The following ANKRD62 variants were observed in gnomAD, a reference collection of about 807,000 sequenced individuals.
ANKRD62 encodes the protein ankyrin repeat domain 62.
ANKRD62 carries 61 observed loss-of-function variants against 98.8 expected under a neutral mutation model. The observed-to-expected ratio is 0.62, with a 90% CI of 0.50 to 0.76. ANKRD62 has a LOEUF of 0.76. Ranked by LOEUF, ANKRD62 falls within the 30% of genes least tolerant of loss-of-function variation. The probability of loss-of-function intolerance (pLI) is 0.00; values close to 1 mark genes in which losing one functional copy is unlikely to be tolerated. For synonymous variants in ANKRD62, 341 were observed against 367.9 expected (o/e 0.93, Z 0.84); for missense variants, 933 against 1,082.9 (o/e 0.86, Z 1.94).
Position 12,107,428 on chromosome 18 carries a change from A to C in ANKRD62, c.1025A>C (p.Asn342Thr), listed in dbSNP as rs1909438740. 2.0e-6 allele frequency: 3 copies of C among 1,513,306 alleles called. No individual in the cohort carries two copies. The South Asian group carries it at 3.8e-5, about 19-fold the overall frequency. The allele number at this position is 1,513,306 out of a possible 1,614,324, so 93.7% of individuals were successfully genotyped here. Residue 342 changes from asparagine (N) to threonine (T), a missense_variant, in exon 8 of 14, where the codon AAT (asparagine) becomes ACT (threonine). Coordinates refer to ENST00000587848, the MANE Select transcript of ANKRD62 (RefSeq NM_001277333.2). Reference sequence around the variant, plus strand: ...AAAATAAAGAACAGAAAACCTGATAATCATCAATCTCCTGGGAAGGAGAAT... The same window carrying C: ...AAAATAAAGAACAGAAAACCTGATACTCATCAATCTCCTGGGAAGGAGAAT... ...IHKIKNRKPD[N>T]HQSPGKENGE... is the part of the protein sequence containing the mutation.
In ANKRD62 at chr18:12,095,593, A is replaced by T. The variant is rs773567959; in HGVS notation, c.490A>T (p.Ile164Phe). 6.6e-7 allele frequency: 1 copy of T among 1,522,346 alleles called. No homozygotes were observed. Among genetic ancestry groups the T allele is most frequent in the Non-Finnish European group, 8.8e-7 (1 of 1,139,578 alleles). 94.3% of individuals were successfully genotyped at this position (1,522,346 alleles called of 1,614,324 possible). A position where few individuals can be genotyped will look rare whatever the true frequency, so the allele number is the denominator to read the frequency against. ...AAAACTGCTTGCATATGGTGCAGAT[A>T]TTGAAGCAAGAAGCCAGGTATGATC... is the stretch of plus-strand genomic sequence containing the variant. ...ARKLLAYGAD[I>F]EARSQDGHTS... The change falls in exon 3 of 14, where the codon ATT (isoleucine) becomes TTT (phenylalanine). Residue 164 changes from isoleucine (I) to phenylalanine (F), a missense_variant. Physicochemically the swap from Ile to Phe is conservative, Grantham distance 21. This residue lies in a region of ANKRD62 where 549 missense variants were observed against 587.9 expected (regional missense o/e 0.93). Coordinates refer to ENST00000587848, the MANE Select transcript of ANKRD62 (RefSeq NM_001277333.2).
rs1179144617 is a variant in ANKRD62, at chr18:12,115,080, T to A, written c.1065-8T>A. The A allele has an allele frequency of 3.6e-6, 5 of 1,399,562 alleles. No individual in the cohort carries two copies. The South Asian group carries it at 7.4e-5, about 21-fold the overall frequency. 86.7% of individuals were successfully genotyped at this position (1,399,562 alleles called of 1,614,324 possible). A position where few individuals can be genotyped will look rare whatever the true frequency, so the allele number is the denominator to read the frequency against. ...TGCCTGATTGGAATTTTTTGGTTTT[T>A]TTTTTAGGCTTGCAAGGAAAACCTC... On this transcript the variant is annotated splice_region_variant and splice_polypyrimidine_tract_variant and intron_variant, in intron 8 of 13. Transcript: ENST00000587848.
the ANKRD62 span, among the ~76,000 whole-genome samples, chr18:12,145,671 C>G: frequency 6.6e-6 from 1 of 152,164 alleles, no homozygotes; most frequent in Non-Finnish European, 1.5e-5. Flanking sequence ...AGATTTGACT[C>G]CTCCCTAGGA....
chr18:12,124,840 C>T (rs546615877), intron 12 of ANKRD62, among the ~76,000 whole-genome samples: 1 of 152,238 alleles, frequency 6.6e-6, no homozygotes, highest in South Asian at 2.1e-4. Context: ...CAGCTTGCTT[C>T]TATTTTTAAC....
chr18:12,104,765 A>G (rs1250673502), intron 7 of ANKRD62, among the ~76,000 whole-genome samples: 3 of 152,202 alleles, frequency 2.0e-5, no homozygotes, highest in Non-Finnish European at 4.4e-5. Flanking sequence ...TTCATCTAAT[A>G]TGTATTCCTA....
chr18:12,108,419 A>G (rs1598732988), intron 8 of ANKRD62, among the ~76,000 whole-genome samples: 1 of 152,164 alleles, frequency 6.6e-6, no homozygotes, highest in Non-Finnish European at 1.5e-5. Flanking sequence ...AGCTCTTGTG[A>G]GAACTCACTC....
intron 5 of ANKRD62, chr18:12,098,525 A>C (rs909876958): frequency 6.6e-6 from 1 of 152,256 alleles, no homozygotes; most frequent in East Asian, 1.9e-4. Flanking sequence ...GAAGCAGTCC[A>C]TATTTTACAC....
chr18:12,107,529 A>G lies in ANKRD62; in HGVS notation c.1064+62A>G, dbSNP rs143982054. 1,053 of 1,241,754 alleles carry G rather than the reference A, an allele frequency of 8.5e-4. 10 individuals carry two copies. In the African/African-American group the frequency reaches 0.015, roughly 17 times the overall value. The allele number at this position is 1,241,754 out of a possible 1,614,324, so 76.9% of individuals were successfully genotyped here. ...TAATTGTACTATAAAATGAATTCTA[A>G]TTTGGGTTAATATGTACGATTAACA... On this transcript the variant is annotated intron_variant, in intron 8 of 13. Transcript: ENST00000587848.
the ANKRD62 span, among the ~76,000 whole-genome samples, chr18:12,145,355 T>A: frequency 6.6e-6 from 1 of 152,220 alleles, no homozygotes; most frequent in Admixed American, 6.5e-5. Context: ...AACAAAGATG[T>A]CAGCCCATTT....
chr18:12,172,721 G>A, the ANKRD62 span, among the ~76,000 whole-genome samples: 7 of 152,322 alleles, frequency 4.6e-5, no homozygotes, highest in East Asian at 1.9e-4. Context: ...GTCTACAGAG[G>A]CAGGCAGGCC....
At chr18:12,175,020 A>C in the ANKRD62 span, among the ~76,000 whole-genome samples, 1 of 152,258 alleles carries the variant, frequency 6.6e-6, no homozygotes, top group African/African-American at 2.4e-5. Flanking sequence ...ACACTCATCA[A>C]CTGCAGCAGG....
chr18:12,125,648 G>T lies in ANKRD62; in HGVS notation c.1827G>T (p.Arg609=). ...AAGACCTTGAAAAGACTCTCAAGCG[G>T]AATGAGGAAGCATTAACAAAAACAA... ...NNEDLEKTLK[R]NEEALTKTIT... is the part of the protein sequence containing the mutation. Residue 609 remains arginine (R), a synonymous_variant, in exon 13 of 14, where the codon CGG becomes CGT. Coordinates refer to ENST00000587848, the MANE Select transcript of ANKRD62 (RefSeq NM_001277333.2). 6.5e-7 allele frequency: 1 copy of T among 1,531,312 alleles called. No individual in the cohort carries two copies. Among genetic ancestry groups the T allele is most frequent in the Non-Finnish European group, 8.7e-7 (1 of 1,145,464 alleles). The allele number at this position is 1,531,312 out of a possible 1,614,324, so 94.9% of individuals were successfully genotyped here.
At chr18:12,102,360 G>T in intron 6 of ANKRD62, 1 of 622,758 alleles carries the variant, frequency 1.6e-6, no homozygotes, top group Non-Finnish European at 3.0e-6. Context: ...GGGGTAGGTC[G>T]GTTCTGAAGT....
the ANKRD62 span, among the ~76,000 whole-genome samples, chr18:12,150,936 A>G: frequency 6.6e-6 from 1 of 152,202 alleles, no homozygotes; most frequent in African/African-American, 2.4e-5. Flanking sequence ...ACAAATATCA[A>G]CACTAACTTT....
chr18:12,178,122 C>T, the ANKRD62 span, among the ~76,000 whole-genome samples: 2 of 151,262 alleles, frequency 1.3e-5, no homozygotes, highest in Non-Finnish European at 2.9e-5. Flanking sequence ...CCAGGGGACA[C>T]TTTTTACCCA....
At chr18:12,121,064 T>G (rs1283045839) in intron 10 of ANKRD62, among the ~76,000 whole-genome samples, 1 of 152,238 alleles carries the variant, frequency 6.6e-6, no homozygotes, top group Non-Finnish European at 1.5e-5. Context: ...GCTTGAAGGT[T>G]TCTCATAGTT....
At chr18:12,162,769 A>T in the ANKRD62 span, among the ~76,000 whole-genome samples, 1 of 152,008 alleles carries the variant, frequency 6.6e-6, no homozygotes, top group Non-Finnish European at 1.5e-5. Context: ...CATTGAAGAG[A>T]CTGTCTTTTT....
intron 8 of ANKRD62, among the ~76,000 whole-genome samples, chr18:12,111,296 T>G (rs539350181): frequency 8.6e-5 from 13 of 151,760 alleles, no homozygotes; most frequent in Admixed American, 2.6e-4. Context: ...ATAAACAGAA[T>G]TATTCTGTTT....
At chr18:12,116,755 T>C (rs149737619) in intron 10 of ANKRD62, among the ~76,000 whole-genome samples, 6 of 152,284 alleles carry the variant, frequency 3.9e-5, no homozygotes, top group African/African-American at 1.4e-4. Context: ...TTTAAAAAAA[T>C]TTAGAATCAC....
Sources: gnomAD v4.1 joint callset for allele counts (sites outside exome capture counted in the v4.1 genomes callset) on GRCh38, gnomAD v4.1.1 for gene constraint, gnomAD v4.1.1 regional missense constraint, MANE v1.5 for transcripts, NCBI Gene and HGNC (gene_info 2026-07-23, HGNC 2026-07-21) for gene names.